The following COMMD1 variants were observed in gnomAD, a reference collection of about 807,000 sequenced individuals.
COMMD1 encodes the protein copper metabolism domain containing 1.
Under a neutral mutation model 17.2 loss-of-function variants are expected in COMMD1, and 10 were observed. That is an observed-to-expected ratio of 0.58 (90% CI 0.36 to 0.99). The LOEUF (loss-of-function observed/expected upper bound fraction) is 0.99, where lower values mean the gene tolerates loss of function less well. Among genes scored for constraint, COMMD1 ranks in the 50% least tolerant of loss-of-function variants. The pLI, the probability that COMMD1 is intolerant of heterozygous loss-of-function variation, is 0.01. For synonymous variants in COMMD1, 97 were observed against 91.6 expected (o/e 1.06, Z -0.34); for missense variants, 270 against 231.8 (o/e 1.17, Z -1.07).
chr2:61,950,436 TCAATAG>T (rs1345042456), intron 1 of COMMD1, among the ~76,000 whole-genome samples: 1 of 152,186 alleles, frequency 6.6e-6, no homozygotes, highest in Non-Finnish European at 1.5e-5. Context: ...AGTAATTCAC[TCAATAG>T]TCAGAGATAA....
chr2:61,909,657 G>A (rs1320138312), intron 1 of COMMD1, among the ~76,000 whole-genome samples: 11 of 152,154 alleles, frequency 7.2e-5, no homozygotes, highest in Non-Finnish European at 1.5e-5. Flanking sequence ...TCTTAAGCAG[G>A]ATGTACATTT....
intron 1 of COMMD1, among the ~76,000 whole-genome samples, chr2:61,991,993 T>A (rs185952214): frequency 2.0e-5 from 3 of 152,350 alleles, no homozygotes; most frequent in African/African-American, 7.2e-5. Flanking sequence ...TCTAATATGA[T>A]GTCATAAATG....
At chr2:61,963,181 TA>T in intron 1 of COMMD1, among the ~76,000 whole-genome samples, 1 of 138,154 alleles carries the variant, frequency 7.2e-6, no homozygotes, top group African/African-American at 2.9e-5. Flanking sequence ...TATATATATA[TA>T]TATTATATAC....
chr2:61,978,233 C>T (rs1272405827), intron 1 of COMMD1, among the ~76,000 whole-genome samples: 1 of 152,158 alleles, frequency 6.6e-6, no homozygotes, highest in Admixed American at 6.5e-5. Flanking sequence ...AAATACTACT[C>T]TAATAAACTA....
chr2:61,995,988 C>G (rs1178961346), intron 1 of COMMD1, among the ~76,000 whole-genome samples: 2 of 152,172 alleles, frequency 1.3e-5, no homozygotes, highest in East Asian at 3.8e-4. Context: ...TGTGTTTATA[C>G]TATACCATAC....
intron 2 of COMMD1, among the ~76,000 whole-genome samples, chr2:62,054,298 G>T (rs892874411): frequency 6.6e-6 from 1 of 152,066 alleles, no homozygotes; most frequent in Non-Finnish European, 1.5e-5. Flanking sequence ...TTATCTCAAA[G>T]AACTAAAAAT....
intron 1 of COMMD1, among the ~76,000 whole-genome samples, chr2:61,921,315 A>G (rs974405578): frequency 2.0e-5 from 3 of 152,142 alleles, no homozygotes; most frequent in Non-Finnish European, 2.9e-5. Context: ...ATAGAAGTAA[A>G]CATTTGTAAC....
chr2:62,057,461 A>T (rs1670738987), intron 2 of COMMD1, among the ~76,000 whole-genome samples: 1 of 152,142 alleles, frequency 6.6e-6, no homozygotes, highest in Admixed American at 6.5e-5. Flanking sequence ...CTAATGTTCT[A>T]TTAAGATTGT....
chr2:62,092,134 G>A (rs1246944875), intron 2 of COMMD1, among the ~76,000 whole-genome samples: 1 of 152,146 alleles, frequency 6.6e-6, no homozygotes, highest in Non-Finnish European at 1.5e-5. Context: ...AGAGATTGTG[G>A]AAATGAGAAT....
At chr2:61,938,595 A>G (rs1670660803) in intron 1 of COMMD1, among the ~76,000 whole-genome samples, 1 of 152,132 alleles carries the variant, frequency 6.6e-6, no homozygotes, top group Admixed American at 6.5e-5. Flanking sequence ...CTTTTCAGAT[A>G]AACTTCTATT....
At chr2:62,014,873 A>T (rs1390119930) in intron 2 of COMMD1, among the ~76,000 whole-genome samples, 3 of 151,918 alleles carry the variant, frequency 2.0e-5, no homozygotes, top group African/African-American at 7.3e-5. Flanking sequence ...CCATTTCAGC[A>T]GTTTTTAAGT....
At chr2:62,068,283 C>T (rs1240660789) in intron 2 of COMMD1, among the ~76,000 whole-genome samples, 1 of 152,192 alleles carries the variant, frequency 6.6e-6, no homozygotes, top group Admixed American at 6.5e-5. Context: ...CGAACATTGA[C>T]TCAAAATGGA....
chr2:61,931,876 C>CT (rs1358307679), intron 1 of COMMD1, among the ~76,000 whole-genome samples: 4 of 152,172 alleles, frequency 2.6e-5, no homozygotes, highest in African/African-American at 7.2e-5. Context: ...GGAAAGACAG[C>CT]TTTGAGGAAT....
chr2:61,914,506 G>A (rs1171773583), intron 1 of COMMD1, among the ~76,000 whole-genome samples: 1 of 151,866 alleles, frequency 6.6e-6, no homozygotes, highest in African/African-American at 2.4e-5. Context: ...CCCAGAGGTG[G>A]AGGTTGCAGT....
chr2:61,919,089 G>A (rs991138234), intron 1 of COMMD1, among the ~76,000 whole-genome samples: 3 of 151,770 alleles, frequency 2.0e-5, no homozygotes, highest in Admixed American at 6.6e-5. Flanking sequence ...TCGGCTCACC[G>A]AAGACTCTGC....
intron 1 of COMMD1, among the ~76,000 whole-genome samples, chr2:61,906,754 A>G (rs1311474622): frequency 6.7e-6 from 1 of 148,328 alleles, no homozygotes; most frequent in African/African-American, 2.6e-5. Flanking sequence ...TTGAAAAAAA[A>G]ACCTTATATA....
intron 2 of COMMD1, among the ~76,000 whole-genome samples, chr2:62,054,454 C>A (rs1670631001): frequency 6.6e-6 from 1 of 151,968 alleles, no homozygotes; most frequent in South Asian, 2.1e-4. Flanking sequence ...TAAGTGTGCA[C>A]CAATAGATAA....
chr2:61,969,487 A>G (rs1340805048), intron 1 of COMMD1, among the ~76,000 whole-genome samples: 3 of 151,820 alleles, frequency 2.0e-5, no homozygotes, highest in Non-Finnish European at 2.9e-5. Flanking sequence ...GCTCCACTAA[A>G]GAACACATCT....
chr2:61,952,934 C>G (rs1252443494), intron 1 of COMMD1, among the ~76,000 whole-genome samples: 2 of 152,162 alleles, frequency 1.3e-5, no homozygotes, highest in African/African-American at 4.8e-5. Context: ...GATAACTGCA[C>G]CATTTTGTGC....
Sources: allele counts gnomAD v4.1 joint callset (sites outside exome capture counted in the v4.1 genomes callset), GRCh38; gene constraint gnomAD v4.1.1; transcripts MANE v1.5; gene names NCBI Gene and HGNC (gene_info 2026-07-23, HGNC 2026-07-21).